The following CEACAM4 variants were observed in gnomAD, a reference collection of about 807,000 sequenced individuals.
CEACAM4 encodes the protein cell adhesion molecule CEACAM4.
A neutral mutation model predicts 28.7 loss-of-function variants in CEACAM4; 30 were observed. The ratio of observed to expected loss-of-function variants is 1.05; its 90% CI spans 0.78 to 1.42. The LOEUF (loss-of-function observed/expected upper bound fraction) is 1.42. Among genes scored for constraint, CEACAM4 ranks in the 40% most tolerant of loss-of-function variants. The pLI is 0.00. For missense variants in CEACAM4, 330 were observed against 308.2 expected, an observed-to-expected ratio of 1.07 and a Z score of -0.53; for synonymous variants, 143 against 126.5, an observed-to-expected ratio of 1.13 and a Z score of -0.87.
rs927920829 is a variant in CEACAM4 at position 41,626,821 on chromosome 19, C to T, written c.64+79G>A. 4 of 1,317,216 alleles carry T rather than the reference C, an allele frequency of 3.0e-6. No individual in the cohort carries two copies. In the South Asian group the frequency reaches 3.7e-5, roughly 12 times the overall value. 81.6% of individuals were successfully genotyped at this position (1,317,216 alleles called of 1,614,324 possible). On this transcript the variant is annotated intron_variant, in intron 1 of 6. Transcript: ENST00000221954. ...CCAGGAGACCCCAGCCAGAAGCCCT[C>T]TATCCCCTCCTACCCAAGAGACCCC...
intron 2 of CEACAM4, among the ~76,000 whole-genome samples, chr19:41,623,020 T>C (rs1349465255): frequency 6.6e-6 from 1 of 152,170 alleles, no homozygotes; most frequent in Non-Finnish European, 1.5e-5. Context: ...TATTGTTTTT[T>C]GTTTGTTTGT....
rs781951662 is a variant in CEACAM4, at chr19:41,621,650, C to A, written c.542+1G>T. Reference sequence around the variant, plus strand: ...AGGAGGCTGGGGAAAAGCTGCGGTACCTTCCAGTCCTGGAGAGAAGCAGAA... The same window carrying A: ...AGGAGGCTGGGGAAAAGCTGCGGTAACTTCCAGTCCTGGAGAGAAGCAGAA... On this transcript the variant is annotated splice_donor_variant, in intron 3 of 6. Transcript: ENST00000221954. LOFTEE classifies it high-confidence loss of function. 29 of 1,565,022 alleles carry A rather than the reference C, an allele frequency of 1.9e-5. No homozygotes were observed. Among genetic ancestry groups the A allele is most frequent in the African/African-American group, 9.5e-5 (7 of 73,976 alleles).
intron 5 of CEACAM4, among the ~76,000 whole-genome samples, 183 bp downstream of exon 5, chr19:41,620,028 A>G (rs1432148770): frequency 6.6e-6 from 1 of 152,084 alleles, no homozygotes; most frequent in African/African-American, 2.4e-5. Flanking sequence ...AGGGGTCAGC[A>G]CATGGCGTGG....
At position 41,625,764 on chromosome 19, in the gene CEACAM4, T is replaced by C; in HGVS notation, c.261A>G (p.Gln87=). 6.2e-7 allele frequency: 1 copy of C among 1,614,048 alleles called. No individual in the cohort carries two copies. The highest frequency in any genetic ancestry group is 8.5e-7 in the Non-Finnish European group (1 of 1,179,982). Residue 87 remains glutamine (Q), a synonymous_variant, in exon 2 of 7, where the codon CAA becomes CAG. Transcript: ENST00000221954. ...TGTATGCGGCCCCTGGGATATTTGC[T>C]TGAATGTCTGTTATATAACCAGCAA... ...PLIAGYITDI[Q]ANIPGAAYSG...
At position 41,625,863 on chromosome 19, in the gene CEACAM4, C is replaced by A. The variant is rs2071612862; in HGVS notation, c.162G>T (p.Leu54=). The change falls in exon 2 of 7, where the codon CTG becomes CTT. Residue 54 remains leucine, a synonymous_variant. Coordinates refer to ENST00000221954, the MANE Select transcript of CEACAM4 (RefSeq NM_001817.4). ...SAAEGKDVLL[L]ACNISETIQA... ...GAATAGTTTCTGAAATATTGCAGGC[C>A]AGTAGAAGAACATCCTTTCCCTCTG... is the stretch of plus-strand genomic sequence containing the variant. 1 of 1,613,824 alleles carries A rather than the reference C, an allele frequency of 6.2e-7. No homozygotes were observed. The highest frequency in any genetic ancestry group is 8.5e-7 in the Non-Finnish European group (1 of 1,179,966).
At chr19:41,617,724 G>A (rs782396364), downstream of CEACAM4, among the ~76,000 whole-genome samples, 2 of 152,110 alleles carry the variant, frequency 1.3e-5, no homozygotes, top group East Asian at 3.9e-4. Flanking sequence ...GGTTGCAGGA[G>A]GCCTCTAGGA....
chr19:41,625,383 C>T (rs2122595018), intron 2 of CEACAM4, among the ~76,000 whole-genome samples: 2 of 152,242 alleles, frequency 1.3e-5, no homozygotes, highest in South Asian at 4.1e-4. Context: ...GCTGAGGCCC[C>T]CCCGCCCCCG....
At position 41,619,356 on chromosome 19, in the gene CEACAM4, C is replaced by T. The variant is rs782727802; in HGVS notation, c.709G>A (p.Asp237Asn). 12 of 1,613,954 alleles carry T rather than the reference C, an allele frequency of 7.4e-6. No individual in the cohort carries two copies. The highest frequency in any genetic ancestry group is 5.0e-5 in the Admixed American group (3 of 60,008). ...TAAGAGACCACATCTGCTTTGTGGT[C>T]GATCTGGCAGTAAATGTTTGCATCA... is the stretch of plus-strand genomic sequence containing the variant. ...YSDANIYCQI[D>N]HKADVVS Residue 237 changes from aspartate to asparagine, a missense_variant, in exon 7 of 7, where the codon GAC (aspartate) becomes AAC (asparagine). Transcript: ENST00000221954.
At chr19:41,622,645 T>A (rs2071362267) in intron 2 of CEACAM4, among the ~76,000 whole-genome samples, 1 of 152,176 alleles carries the variant, frequency 6.6e-6, no homozygotes, top group East Asian at 1.9e-4. Flanking sequence ...TCGTACATGA[T>A]AAAACCAAAT....
chr19:41,623,973 A>G (rs1406547114), intron 2 of CEACAM4, among the ~76,000 whole-genome samples: 2 of 152,242 alleles, frequency 1.3e-5, no homozygotes, highest in Non-Finnish European at 2.9e-5. Context: ...CCAGGGTCAG[A>G]TGAGACTCAG....
downstream of CEACAM4, among the ~76,000 whole-genome samples, chr19:41,615,906 G>T (rs959252215): frequency 6.6e-6 from 1 of 152,202 alleles, no homozygotes; most frequent in Non-Finnish European, 1.5e-5. Context: ...GAGGTGATGG[G>T]AATGAGGAAG....
At chr19:41,619,623 G>T (rs1555800243) in intron 6 of CEACAM4, 47 bp downstream of exon 6, 1 of 1,574,348 alleles carries the variant, frequency 6.4e-7, no homozygotes, top group Admixed American at 1.9e-5. Flanking sequence ...GCAGATCCTG[G>T]GTCCCCTGGA....
At chr19:41,621,825 T>A (rs555540003) in intron 2 of CEACAM4, 57 bp from the exon 3 acceptor site, 2 of 1,030,440 alleles carry the variant, frequency 1.9e-6, no homozygotes, top group East Asian at 4.8e-5. Flanking sequence ...AGGGAAACCA[T>A]AAGAGGCATT....
At chr19:41,618,673 G>A (rs1386365150), downstream of CEACAM4, among the ~76,000 whole-genome samples, 1 of 152,170 alleles carries the variant, frequency 6.6e-6, no homozygotes. Context: ...CTCCCGCATT[G>A]CTCACCTTTT....
intron 3 of CEACAM4, 149 bp from the exon 4 acceptor site, chr19:41,620,776 G>A (rs553480575): frequency 1.9e-4 from 136 of 708,540 alleles, no homozygotes; most frequent in Admixed American, 6.2e-4. Context: ...GGCCGAGGAC[G>A]GGGAGCTGAG....
chr19:41,620,663 G>A, intron 3 of CEACAM4, 36 bp from the exon 4 acceptor site: 10 of 1,583,122 alleles, frequency 6.3e-6, no homozygotes, highest in Non-Finnish European at 7.8e-6. Flanking sequence ...AGGGTGCAGG[G>A]AGAAATCACA....
downstream of CEACAM4, among the ~76,000 whole-genome samples, chr19:41,617,340 G>A (rs1555799117): frequency 6.6e-6 from 1 of 152,182 alleles, no homozygotes; most frequent in African/African-American, 2.4e-5. Flanking sequence ...TGTTAATGCA[G>A]GAACTGACGC....
At chr19:41,619,420 A>G in intron 6 of CEACAM4, 25 bp from the exon 7 acceptor site, 1 of 1,612,236 alleles carries the variant, frequency 6.2e-7, no homozygotes, top group Non-Finnish European at 8.5e-7. Flanking sequence ...AAGAGGCCTC[A>G]ACCCCTGTAG....
chr19:41,626,859 T>G (rs1555804410), intron 1 of CEACAM4, 41 bp downstream of exon 1: 1 of 1,575,250 alleles, frequency 6.3e-7, no homozygotes, highest in Admixed American at 1.7e-5. Context: ...TCAGTCTCTG[T>G]GCTCCCTCTT....
Sources: gnomAD v4.1 joint callset for allele counts (sites outside exome capture counted in the v4.1 genomes callset) on GRCh38, gnomAD v4.1.1 for gene constraint, MANE v1.5 for transcripts, NCBI Gene and HGNC (gene_info 2026-07-23, HGNC 2026-07-21) for gene names.